Variants in METTL16 observed in about 807,000 individuals in gnomAD.
METTL16 encodes methyltransferase 16, RNA N6-adenosine.
METTL16 carries 19 observed loss-of-function variants against 57.9 expected under a neutral mutation model. That is an observed-to-expected ratio of 0.33 (90% CI 0.23 to 0.48). METTL16 has a LOEUF of 0.48. METTL16 is among the 20% of genes least tolerant of loss of function. The pLI, the probability that METTL16 is intolerant of heterozygous loss-of-function variation, is 0.99. For synonymous variants in METTL16, 246 were observed against 255.6 expected (o/e 0.96, Z 0.36); for missense variants, 434 against 691.5 (o/e 0.63, Z 4.18).
At chr17:2,471,226 C>T (rs903293524) in intron 4 of METTL16, among the ~76,000 whole-genome samples, 2 of 152,120 alleles carry the variant, frequency 1.3e-5, no homozygotes, top group Non-Finnish European at 1.5e-5. Context: ...GGCTGGGGTG[C>T]AGCGTCGCAA....
intron 1 of METTL16, among the ~76,000 whole-genome samples, chr17:2,505,016 G>A (rs559663982): frequency 6.6e-6 from 1 of 152,140 alleles, no homozygotes; most frequent in South Asian, 2.1e-4. Flanking sequence ...AAATGAAAAC[G>A]AACATAATTT....
At position 2,484,587 on chromosome 17, in the gene METTL16, C is replaced by T. The variant is rs114517908; in HGVS notation, c.129-6702G>A. Among the ~76,000 whole-genome samples the T allele has an allele frequency of 6.9e-3, 1,055 of 152,226 alleles. 10 individuals carry two copies. Among genetic ancestry groups the T allele is most frequent in the African/African-American group, 0.024 (996 of 41,518 alleles). ...TCAGCTCACTGCAACCTCCACCTCC[C>T]GGCTTCAGGCGACTCTTCTGCCTCA... On this transcript the variant is annotated intron_variant, in intron 2 of 9. Transcript: ENST00000263092.
intron 2 of METTL16, among the ~76,000 whole-genome samples, chr17:2,482,501 T>A (rs1482912172): frequency 6.6e-6 from 1 of 152,146 alleles, no homozygotes; most frequent in Non-Finnish European, 1.5e-5. Context: ...TAATCAAAAT[T>A]CGGGACAGGA....
chr17:2,448,810 A>T (rs1245146687), intron 6 of METTL16, among the ~76,000 whole-genome samples: 5 of 137,822 alleles, frequency 3.6e-5, no homozygotes, highest in Admixed American at 7.1e-5. Context: ...TTTAAAAAAA[A>T]AAAAAAAAAA....
intron 6 of METTL16, among the ~76,000 whole-genome samples, chr17:2,443,808 A>T (rs1219303105): frequency 6.6e-6 from 1 of 152,180 alleles, no homozygotes; most frequent in Non-Finnish European, 1.5e-5. Flanking sequence ...CTTATTTCTT[A>T]TAATGATAAG....
Position 2,511,720 on chromosome 17 carries a change from C to T in METTL16, c.-1+39G>A, listed in dbSNP as rs557836276. 2.0e-5 allele frequency: 8 copies of T among 397,476 alleles called. No individual in the cohort carries two copies. In the South Asian group the frequency reaches 6.7e-4, roughly 33 times the overall value. 24.6% of individuals were successfully genotyped at this position (397,476 alleles called of 1,614,324 possible). On this transcript the variant is annotated intron_variant, in intron 1 of 9. Transcript: ENST00000263092. ...CGTGTGATCCACGGGTTAAGTGACC[C>T]ATGATAGTAAATCTGCGTGAGAGAT... is the stretch of plus-strand genomic sequence containing the variant.
At chr17:2,472,138 C>T (rs2151567228) in intron 4 of METTL16, among the ~76,000 whole-genome samples, 1 of 151,228 alleles carries the variant, frequency 6.6e-6, no homozygotes, top group South Asian at 2.1e-4. Context: ...GGGCAAAAGG[C>T]CTGAACAGAC....
At chr17:2,470,957 A>G (rs1247008230) in intron 4 of METTL16, among the ~76,000 whole-genome samples, 1 of 152,234 alleles carries the variant, frequency 6.6e-6, no homozygotes, top group African/African-American at 2.4e-5. Context: ...ACACTACCCA[A>G]TTCTAAGACT....
intron 6 of METTL16, among the ~76,000 whole-genome samples, chr17:2,447,563 T>C (rs1342626944): frequency 1.8e-5 from 2 of 110,646 alleles, no homozygotes; most frequent in African/African-American, 1.0e-4. Flanking sequence ...AGTCGCCCCG[T>C]CCAGGAGGGA....
At chr17:2,476,274 G>A (rs1195298701) in intron 3 of METTL16, among the ~76,000 whole-genome samples, 2 of 152,196 alleles carry the variant, frequency 1.3e-5, no homozygotes, top group Non-Finnish European at 2.9e-5. Context: ...GGAGGTCAAG[G>A]AAAGTAATCT....
At chr17:2,440,844 TG>T (rs2066944668) in intron 7 of METTL16, among the ~76,000 whole-genome samples, 2 of 151,634 alleles carry the variant, frequency 1.3e-5, no homozygotes, top group Admixed American at 1.3e-4. Context: ...TGGTGCCATC[TG>T]CCTATAGTCC....
rs542180905 is a variant in METTL16, at chr17:2,424,854, G to A, written c.889-3950C>T. Among the ~76,000 whole-genome samples, 34 of 152,246 alleles carry A rather than the reference G, an allele frequency of 2.2e-4. No homozygotes were observed. The East Asian group carries it at 6.4e-3, about 29-fold the overall frequency. ...TCCCAGCTACTTGGGAGGCTGAGGT[G>A]GGAGAATGGCGTGAACCCGGGAGGC... On this transcript the variant is annotated intron_variant, in intron 8 of 9. Coordinates refer to ENST00000263092, the MANE Select transcript of METTL16 (RefSeq NM_024086.4).
intron 8 of METTL16, among the ~76,000 whole-genome samples, chr17:2,433,871 G>A (rs528563200): frequency 6.6e-5 from 10 of 152,208 alleles, no homozygotes; most frequent in East Asian, 3.9e-4. Context: ...TCCATAAAGC[G>A]GTCTTTGACT....
chr17:2,425,460 G>A (rs937792044), intron 8 of METTL16, among the ~76,000 whole-genome samples: 6 of 152,272 alleles, frequency 3.9e-5, no homozygotes, highest in South Asian at 2.1e-4. Flanking sequence ...GAATTACAAT[G>A]TGAGAGAAGC....
intron 6 of METTL16, among the ~76,000 whole-genome samples, chr17:2,451,965 G>A (rs1006652258): frequency 6.6e-6 from 1 of 151,720 alleles, no homozygotes; most frequent in Admixed American, 6.6e-5. Context: ...GGGCAACATG[G>A]CAAGACCCCA....
intron 2 of METTL16, among the ~76,000 whole-genome samples, chr17:2,486,623 G>T (rs968949817): frequency 6.6e-6 from 1 of 151,976 alleles, no homozygotes; most frequent in African/African-American, 2.4e-5. Context: ...AATAAAGTTG[G>T]AACAAAGTGG....
At chr17:2,501,428 C>G (rs969728311) in intron 2 of METTL16, among the ~76,000 whole-genome samples, 1 of 152,022 alleles carries the variant, frequency 6.6e-6, no homozygotes, top group African/African-American at 2.4e-5. Flanking sequence ...GATCCTATCT[C>G]TAAAAACAAA....
intron 6 of METTL16, among the ~76,000 whole-genome samples, chr17:2,443,981 GACATATT>G (rs2066973588): frequency 6.6e-6 from 1 of 152,156 alleles, no homozygotes; most frequent in African/African-American, 2.4e-5. Flanking sequence ...AGTTAATAAT[GACATATT>G]ACATATTTCA....
At position 2,438,683 on chromosome 17, in the gene METTL16, G is replaced by C. The variant is rs549809082; in HGVS notation, c.799-485C>G. On this transcript the variant is annotated intron_variant, in intron 7 of 9. Transcript: ENST00000263092. The stretch of plus-strand genomic sequence containing the variant: ...CGCCCAGCTAATTTTTGTATTTTTA[G>C]TAGAGATGGGGTTTCACCATCACTG... Among the ~76,000 whole-genome samples the C allele has an allele frequency of 1.8e-3, 280 of 152,214 alleles. 1 individual carries two copies. The highest frequency in any genetic ancestry group is 3.4e-3 in the Non-Finnish European group (233 of 68,000).
Sources: allele counts gnomAD v4.1 joint callset (sites outside exome capture counted in the v4.1 genomes callset), GRCh38; gene constraint gnomAD v4.1.1; transcripts MANE v1.5; gene names NCBI Gene and HGNC (gene_info 2026-07-23, HGNC 2026-07-21).